The following ANXA8 variants were observed in gnomAD, a reference collection of about 807,000 sequenced individuals.
ANXA8 encodes VAC-beta.
Under a neutral mutation model 26.8 loss-of-function variants are expected in ANXA8, and 9 were observed. The observed-to-expected ratio is 0.34, with a 90% confidence interval of 0.20 to 0.59. ANXA8 has a LOEUF of 0.59. ANXA8 is among the 20% of genes least tolerant of loss of function. ANXA8 has a pLI of 0.84. For synonymous variants in ANXA8, 39 were observed against 94.8 expected, an observed-to-expected ratio of 0.41 and a Z score of 3.42; for missense variants, 83 against 238.5, an observed-to-expected ratio of 0.35 and a Z score of 4.29.
chr10:47,597,040 C>T, the ANXA8 span, among the ~76,000 whole-genome samples: 2 of 148,996 alleles, frequency 1.3e-5, no homozygotes, highest in African/African-American at 5.2e-5. Flanking sequence ...TTCAGCAGCA[C>T]ATCAAAAAGA....
At chr10:47,684,421 T>A in the ANXA8 span, among the ~76,000 whole-genome samples, 1 of 129,818 alleles carries the variant, frequency 7.7e-6, no homozygotes, top group Non-Finnish European at 1.6e-5. Context: ...CAAGTTTTTT[T>A]TTGGGGGGGG....
At chr10:47,744,607 C>CT in the ANXA8 span, among the ~76,000 whole-genome samples, 4 of 151,668 alleles carry the variant, frequency 2.6e-5, 1 homozygote, top group Non-Finnish European at 5.9e-5. Context: ...TAATTCCATA[C>CT]TAAATATTAG....
the ANXA8 span, among the ~76,000 whole-genome samples, chr10:47,743,283 C>CATATAT: frequency 4.9e-5 from 4 of 81,988 alleles, no homozygotes; most frequent in Admixed American, 3.0e-4. Flanking sequence ...TATATACACA[C>CATATAT]ATATATATAT....
At chr10:47,650,881 T>A in the ANXA8 span, among the ~76,000 whole-genome samples, 1 of 148,392 alleles carries the variant, frequency 6.7e-6, no homozygotes, top group Non-Finnish European at 1.5e-5. Context: ...AATAAACACA[T>A]GAAATACACA....
At chr10:47,493,848 G>A in the ANXA8 span, among the ~76,000 whole-genome samples, 5,392 of 141,704 alleles carry the variant, frequency 0.038, 71 homozygotes, top group African/African-American at 0.068. Context: ...CCTTCTGGGC[G>A]AGGCTGGGTC....
chr10:47,946,236 C>T, the ANXA8 span, among the ~76,000 whole-genome samples: 1 of 148,684 alleles, frequency 6.7e-6, no homozygotes, highest in Non-Finnish European at 1.5e-5. Context: ...ATATCATAGC[C>T]AGTAAAATCT....
chr10:47,474,832 G>A (rs1464945538), intron 7 of ANXA8, 113 bp downstream of exon 7: 1 of 1,325,066 alleles, frequency 7.5e-7, no homozygotes, highest in Non-Finnish European at 1.0e-6. Flanking sequence ...GGCCTATAGG[G>A]AGCTGAGCTG....
chr10:47,497,659 C>T, the ANXA8 span, among the ~76,000 whole-genome samples: 2 of 145,382 alleles, frequency 1.4e-5, no homozygotes, highest in Middle Eastern at 3.8e-3. Flanking sequence ...TTTTGACAGC[C>T]GGGCATGGTG....
the ANXA8 span, among the ~76,000 whole-genome samples, chr10:47,618,562 C>A: frequency 3.2e-4 from 36 of 113,366 alleles, 2 homozygotes; most frequent in South Asian, 1.9e-3. Context: ...CCTTCTTGAA[C>A]CATACATGTT....
chr10:47,715,471 C>A, the ANXA8 span, among the ~76,000 whole-genome samples: 2 of 135,208 alleles, frequency 1.5e-5, no homozygotes, highest in African/African-American at 2.8e-5. Flanking sequence ...TAATAATAAT[C>A]TCTAGCATGC....
the ANXA8 span, among the ~76,000 whole-genome samples, chr10:47,544,083 A>C: frequency 6.6e-6 from 1 of 151,890 alleles, no homozygotes; most frequent in Non-Finnish European, 1.5e-5. Context: ...GGCACGCACG[A>C]AGGACTCCAG....
the ANXA8 span, among the ~76,000 whole-genome samples, chr10:47,620,182 G>A: frequency 3.6e-5 from 4 of 110,672 alleles, 1 homozygote; most frequent in Admixed American, 2.9e-4. Context: ...TAAAAGGCAA[G>A]GGGTGTAGTG....
At chr10:47,762,209 C>T in the ANXA8 span, among the ~76,000 whole-genome samples, 1 of 151,878 alleles carries the variant, frequency 6.6e-6, no homozygotes, top group Non-Finnish European at 1.5e-5. Flanking sequence ...TGGTGCGACG[C>T]GGTGGACGAG....
chr10:47,733,213 C>CTT, the ANXA8 span, among the ~76,000 whole-genome samples: 264 of 68,480 alleles, frequency 3.9e-3, 8 homozygotes, highest in South Asian at 0.012. Flanking sequence ...TTCTTTCTTT[C>CTT]TTTCTTTCTC....
At chr10:47,581,920 T>G in the ANXA8 span, among the ~76,000 whole-genome samples, 1 of 150,144 alleles carries the variant, frequency 6.7e-6, no homozygotes, top group Non-Finnish European at 1.5e-5. Flanking sequence ...TATTTATTTC[T>G]AATTAAAACC....
the ANXA8 span, among the ~76,000 whole-genome samples, chr10:47,744,762 T>C: frequency 6.6e-6 from 1 of 151,854 alleles, no homozygotes; most frequent in South Asian, 2.1e-4. Flanking sequence ...TATTTACCAA[T>C]TCAAACTTGC....
the ANXA8 span, among the ~76,000 whole-genome samples, chr10:47,979,322 G>C: frequency 6.6e-6 from 1 of 151,610 alleles, no homozygotes; most frequent in African/African-American, 2.4e-5. Context: ...ACTAGAGCTG[G>C]TAGTTACCCA....
chr10:47,743,283 C>CATATATATATACAT, the ANXA8 span, among the ~76,000 whole-genome samples: 1 of 81,988 alleles, frequency 1.2e-5, no homozygotes, highest in Non-Finnish European at 2.5e-5. Context: ...TATATACACA[C>CATATATATATACAT]ATATATATAT....
chr10:47,610,485 AAGT>A, the ANXA8 span, among the ~76,000 whole-genome samples: 2 of 113,856 alleles, frequency 1.8e-5, no homozygotes, highest in African/African-American at 7.6e-5. Context: ...AAAATAAAAG[AAGT>A]AGTATGTTAA....
Sources: gnomAD v4.1 joint callset for allele counts (sites outside exome capture counted in the v4.1 genomes callset) on GRCh38, gnomAD v4.1.1 for gene constraint, MANE v1.5 for transcripts, NCBI Gene and HGNC (gene_info 2026-07-23, HGNC 2026-07-21) for gene names.